The following HECW1 variants were observed in gnomAD, a reference collection of about 807,000 sequenced individuals.
HECW1 encodes the protein E3 ubiquitin-protein ligase HECW1.
A neutral mutation model predicts 182.3 loss-of-function variants in HECW1; 61 were observed. That is an observed-to-expected ratio of 0.33 (90% confidence interval 0.27 to 0.41). The LOEUF (loss-of-function observed/expected upper bound fraction) is 0.41. Among genes scored for constraint, HECW1 ranks in the 10% least tolerant of loss-of-function variants. The pLI, the probability that HECW1 is intolerant of heterozygous loss-of-function variation, is 1.00. For missense variants in HECW1, 1,739 were observed against 2,108.9 expected, an observed-to-expected ratio of 0.82 and a Z score of 3.44; for synonymous variants, 859 against 832.6, an observed-to-expected ratio of 1.03 and a Z score of -0.55.
At chr7:43,279,242 A>G (rs1362048823) in intron 3 of HECW1, among the ~76,000 whole-genome samples, 1 of 152,144 alleles carries the variant, frequency 6.6e-6, no homozygotes, top group African/African-American at 2.4e-5. Context: ...ATTTTTATGA[A>G]CTAATTTTGA....
intron 3 of HECW1, among the ~76,000 whole-genome samples, chr7:43,257,558 A>T (rs1418521937): frequency 6.6e-6 from 1 of 152,082 alleles, no homozygotes; most frequent in East Asian, 1.9e-4. Context: ...AGTGGAGAGG[A>T]GGTGAAAAAC....
chr7:43,213,988 T>C (rs746421145), intron 2 of HECW1, among the ~76,000 whole-genome samples: 3 of 152,102 alleles, frequency 2.0e-5, no homozygotes, highest in Non-Finnish European at 4.4e-5. Context: ...TGGAATTTAT[T>C]ATATAAGACC....
chr7:43,438,225 A>C lies in HECW1; in HGVS notation c.944+80A>C, dbSNP rs116013190. The stretch of plus-strand genomic sequence containing the variant: ...CCAAAGGTGGCCTGTAGGCTGCAAT[A>C]GTATAGTCTCACAGAGAGTCAAAAT... On this transcript the variant is annotated intron_variant, in intron 9 of 29. Transcript: ENST00000395891. The C allele has an allele frequency of 1.9e-3, 2,266 of 1,219,158 alleles. 29 individuals are homozygous for C. The African/African-American group carries it at 0.029, about 15-fold the overall frequency. The allele number at this position is 1,219,158 out of a possible 1,614,324, so 75.5% of individuals were successfully genotyped here.
chr7:43,180,777 T>G (rs1233454060), intron 2 of HECW1, among the ~76,000 whole-genome samples: 1 of 152,262 alleles, frequency 6.6e-6, no homozygotes, highest in Non-Finnish European at 1.5e-5. Context: ...ATGTGCACAT[T>G]GTTTAATGAA....
At chr7:43,260,026 T>C (rs1041726004) in intron 3 of HECW1, among the ~76,000 whole-genome samples, 1 of 152,154 alleles carries the variant, frequency 6.6e-6, no homozygotes, top group Non-Finnish European at 1.5e-5. Flanking sequence ...ATAGTCAAAC[T>C]TCTGAAAACC....
rs186844480 is a variant in HECW1, at chr7:43,432,515, G to A, written c.802-5488G>A. On this transcript the variant is annotated intron_variant, in intron 8 of 29. Transcript: ENST00000395891. This position sits in a 1 kb window ranked among gnomAD's most constrained non-coding sequence, Gnocchi z 4.1. ...CGTCTCTACCTGTCCATCAGGCTGA[G>A]CCTTTGGGAAGCCTTACTATAGCAT... Among the ~76,000 whole-genome samples, 3 of 152,304 alleles carry A rather than the reference G, an allele frequency of 2.0e-5. No individual in the cohort carries two copies. The East Asian group carries it at 5.8e-4, about 29-fold the overall frequency.
intron 11 of HECW1, among the ~76,000 whole-genome samples, chr7:43,447,272 C>A (rs1330277887): frequency 2.0e-5 from 3 of 151,974 alleles, no homozygotes; most frequent in Non-Finnish European, 4.4e-5. Flanking sequence ...GGGAGATAAT[C>A]TACACATGGT....
At chr7:43,362,067 G>A (rs1362895983) in intron 6 of HECW1, among the ~76,000 whole-genome samples, 1 of 146,400 alleles carries the variant, frequency 6.8e-6, no homozygotes, top group Admixed American at 7.0e-5. Flanking sequence ...CTTGAACCCA[G>A]GTGCAGTGAG....
intron 3 of HECW1, among the ~76,000 whole-genome samples, chr7:43,257,939 A>G (rs1234944665): frequency 6.6e-6 from 1 of 152,198 alleles, no homozygotes; most frequent in Non-Finnish European, 1.5e-5. Context: ...AGTGCTCATT[A>G]ATTATTAAAT....
chr7:43,171,295 G>C (rs1583806324), intron 2 of HECW1, among the ~76,000 whole-genome samples: 1 of 152,084 alleles, frequency 6.6e-6, no homozygotes, highest in South Asian at 2.1e-4. Flanking sequence ...TGAAACACAG[G>C]CACATACACA....
chr7:43,415,464 T>G (rs2075961266), intron 8 of HECW1, among the ~76,000 whole-genome samples: 1 of 151,650 alleles, frequency 6.6e-6, no homozygotes, highest in South Asian at 2.1e-4. Flanking sequence ...CCTTAACATT[T>G]TTTCCTTCAT....
intron 8 of HECW1, among the ~76,000 whole-genome samples, chr7:43,425,063 T>A (rs1203486958): frequency 6.6e-6 from 1 of 151,826 alleles, no homozygotes; most frequent in African/African-American, 2.4e-5. Context: ...ATTGATAGAG[T>A]AATCAGAAGG....
chr7:43,321,253 G>A (rs1293084160), intron 5 of HECW1, among the ~76,000 whole-genome samples: 2 of 152,160 alleles, frequency 1.3e-5, no homozygotes, highest in Non-Finnish European at 2.9e-5. Context: ...GGTACTACCA[G>A]CCTGTTTCTT....
chr7:43,198,516 A>G (rs959947083), intron 2 of HECW1, among the ~76,000 whole-genome samples: 1 of 149,662 alleles, frequency 6.7e-6, no homozygotes, highest in Non-Finnish European at 1.5e-5. Flanking sequence ...ATAGTCACAC[A>G]CCACAGACAC....
chr7:43,305,715 C>T (rs1045475933), intron 3 of HECW1, among the ~76,000 whole-genome samples: 1 of 152,018 alleles, frequency 6.6e-6, no homozygotes, highest in South Asian at 2.1e-4. Context: ...ATTCTCCCTG[C>T]CACAGCTTCA....
At chr7:43,336,144 TTCTCTCTCTCTCTCTCTCTCTCTCTC>T (rs768468130) in intron 5 of HECW1, among the ~76,000 whole-genome samples, 2 of 51,922 alleles carry the variant, frequency 3.9e-5, no homozygotes, top group African/African-American at 1.4e-4. Flanking sequence ...CTCTCTCTCT[TTCTCTCTCTCTCTCTCTCTCTCTCTC>T]TCTCTCTCTC....
intron 2 of HECW1, among the ~76,000 whole-genome samples, chr7:43,218,070 T>C (rs1371853205): frequency 6.6e-6 from 1 of 152,208 alleles, no homozygotes; most frequent in African/African-American, 2.4e-5. Flanking sequence ...AGGAGAGCTG[T>C]GTAAATGGCC....
chr7:43,206,355 A>C (rs1424697402), intron 2 of HECW1, among the ~76,000 whole-genome samples: 1 of 152,110 alleles, frequency 6.6e-6, no homozygotes, highest in Non-Finnish European at 1.5e-5. Context: ...GGAGAGGGAA[A>C]TGGAATGCGA....
rs967720206 is a variant in HECW1, at chr7:43,554,665, G to C, written c.4584G>C (p.Leu1528=). The C allele has an allele frequency of 1.9e-6, 3 of 1,613,926 alleles. No individual in the cohort carries two copies. Among genetic ancestry groups the C allele is most frequent in the African/African-American group, 2.7e-5 (2 of 74,924 alleles). ...AGCGCTTCAATAATGAGCAGAGGCT[G>C]AGATTACTGCAGTTTGTCACGGGAA... The part of the protein sequence containing the change: ...AVERFNNEQR[L]RLLQFVTGTS... Residue 1528 remains leucine, a synonymous_variant, in exon 29 of 30, where the codon CTG becomes CTC. Coordinates refer to ENST00000395891, the MANE Select transcript of HECW1 (RefSeq NM_015052.5).
Sources: allele counts gnomAD v4.1 joint callset (sites outside exome capture counted in the v4.1 genomes callset), GRCh38; gene constraint gnomAD v4.1.1; non-coding constraint Gnocchi (gnomAD v3.1); transcripts MANE v1.5; gene names NCBI Gene and HGNC (gene_info 2026-07-23, HGNC 2026-07-21).